The following LOXL1 variants were observed in gnomAD, a reference collection of about 807,000 sequenced individuals.
The protein encoded by LOXL1 is lysyl oxidase homolog 1.
In LOXL1, 31 loss-of-function variants were observed where a neutral mutation model predicts 62.2. The ratio of observed to expected loss-of-function variants is 0.50; its 90% CI spans 0.37 to 0.67. The LOEUF (loss-of-function observed/expected upper bound fraction) is 0.67. LOXL1 is among the 30% of genes least tolerant of loss of function. LOXL1 has a pLI of 0.00. For synonymous variants in LOXL1, 403 were observed against 384.4 expected (o/e 1.05, Z -0.56); for missense variants, 775 against 843.4 (o/e 0.92, Z 1.00).
At chr15:73,933,240 G>A (rs982860590) in intron 1 of LOXL1, among the ~76,000 whole-genome samples, 2 of 152,134 alleles carry the variant, frequency 1.3e-5, no homozygotes, top group Non-Finnish European at 2.9e-5. Flanking sequence ...ACTGAGGCTC[G>A]GAGAAATTAA....
chr15:73,930,000 G>A (rs2068624761), intron 1 of LOXL1, among the ~76,000 whole-genome samples: 1 of 152,188 alleles, frequency 6.6e-6, no homozygotes, highest in Non-Finnish European at 1.5e-5. Flanking sequence ...GTCTGAAGTG[G>A]GGGTGCTTGG....
At chr15:73,948,776 G>T (rs1490485375) in intron 5 of LOXL1, among the ~76,000 whole-genome samples, 2 of 152,126 alleles carry the variant, frequency 1.3e-5, no homozygotes, top group Non-Finnish European at 2.9e-5. Context: ...TCAACATGTA[G>T]GAAGTCCCCT....
In LOXL1 at chr15:73,927,565, C is replaced by G; in HGVS notation, c.782C>G (p.Pro261Arg). ...FYPAPERPYV[P>R]PPPPPPDGLD... is the part of the protein sequence containing the mutation. ...CCGGCCCCCGAGAGGCCCTACGTGCCGCCGCCGCCGCCGCCCCCCGACGGC... is the reference window on the plus strand; with the variant it reads ...CCGGCCCCCGAGAGGCCCTACGTGCGGCCGCCGCCGCCGCCCCCCGACGGC... The change falls in exon 1 of 7, where the codon CCG (proline) becomes CGG (arginine). Residue 261 changes from proline (P) to arginine (R), a missense_variant. By Grantham distance (103) the Pro-to-Arg change is moderately radical. Transcript: ENST00000261921. The G allele has an allele frequency of 1.3e-6, 2 of 1,484,000 alleles. No homozygotes were observed. The highest frequency in any genetic ancestry group is 1.3e-5 in the South Asian group (1 of 78,368). The allele number at this position is 1,484,000 out of a possible 1,614,324, so 91.9% of individuals were successfully genotyped here.
chr15:73,926,690 C>A lies in LOXL1; in HGVS notation c.-94C>A. The A allele has an allele frequency of 7.7e-7, 1 of 1,306,012 alleles. No homozygotes were observed. The highest frequency in any genetic ancestry group is 9.9e-7 in the Non-Finnish European group (1 of 1,010,138). 80.9% of individuals were successfully genotyped at this position (1,306,012 alleles called of 1,614,324 possible). A position where few individuals can be genotyped will look rare whatever the true frequency, so the allele number is the denominator to read the frequency against. Reference sequence around the variant, plus strand: ...AGCTAGAGCTGGGGCAAGCAAGGAGCCTTCCTGTCCTCGAGGCCGTGGGAA... The same window carrying A: ...AGCTAGAGCTGGGGCAAGCAAGGAGACTTCCTGTCCTCGAGGCCGTGGGAA... On this transcript the variant is annotated 5_prime_UTR_variant, in exon 1 of 7. Coordinates refer to ENST00000261921, the MANE Select transcript of LOXL1 (RefSeq NM_005576.4).
intron 1 of LOXL1, chr15:73,928,126 C>T: frequency 7.6e-6 from 3 of 394,876 alleles, no homozygotes; most frequent in Non-Finnish European, 1.3e-5. Context: ...CAGGTGTGGG[C>T]TCTGATCCTG....
rs1477032813 is a variant in LOXL1, at chr15:73,927,209, C to A, written c.426C>A (p.Ala142=). Reference sequence around the variant, plus strand: ...GGGACAGCACGGGCATGGCCCGGGCCCGCACCTCCGTCTCCCAGCAACGGC... The same window carrying A: ...GGGACAGCACGGGCATGGCCCGGGCACGCACCTCCGTCTCCCAGCAACGGC... ...AVGDSTGMAR[A]RTSVSQQRHG... is the part of the protein sequence containing the mutation. The change falls in exon 1 of 7, where the codon GCC becomes GCA. Residue 142 remains alanine, a synonymous_variant. Coordinates refer to ENST00000261921, the MANE Select transcript of LOXL1 (RefSeq NM_005576.4). 20 of 1,594,130 alleles carry A rather than the reference C, an allele frequency of 1.3e-5. No homozygotes were observed. Among genetic ancestry groups the A allele is most frequent in the Non-Finnish European group, 1.7e-5 (20 of 1,175,758 alleles).
At chr15:73,949,670 G>T (rs2068770870) in intron 6 of LOXL1, 96 bp downstream of exon 6, 7 of 831,444 alleles carry the variant, frequency 8.4e-6, no homozygotes, top group Non-Finnish European at 1.4e-5. Context: ...TGCACTTTAG[G>T]TCACCTTGAT....
Position 73,946,437 on chromosome 15 carries a change from C to T in LOXL1, c.1232C>T (p.Ala411Val), listed in dbSNP as rs1173534367. The T allele has an allele frequency of 6.2e-7, 1 of 1,612,750 alleles. No homozygotes were observed. Among genetic ancestry groups the T allele is most frequent in the Admixed American group, 1.7e-5 (1 of 59,990 alleles). ...TGCAGCACAGCCTATGCCCCTGAGG[C>T]CACCGACTACGATGTGCGGGTGCTA... The part of the protein sequence containing the change: ...CLASTAYAPE[A>V]TDYDVRVLLR... Residue 411 changes from alanine to valine, a missense_variant, in exon 3 of 7, where the codon GCC becomes GTC. Transcript: ENST00000261921.
chr15:73,935,918 C>T (rs999501317), intron 1 of LOXL1, among the ~76,000 whole-genome samples: 1 of 139,082 alleles, frequency 7.2e-6, no homozygotes, highest in Non-Finnish European at 1.6e-5. Flanking sequence ...CTGTGTGCCT[C>T]TGCATAGGTA....
At position 73,946,491 on chromosome 15, in the gene LOXL1, A is replaced by G. The variant is rs1230329915; in HGVS notation, c.1286A>G (p.Gln429Arg). 2.5e-6 allele frequency: 4 copies of G among 1,611,890 alleles called. No individual in the cohort carries two copies. Among genetic ancestry groups the G allele is most frequent in the Admixed American group, 3.3e-5 (2 of 59,898 alleles). Residue 429 changes from glutamine (Q) to arginine (R), a missense_variant, in exon 3 of 7, where the codon CAG (glutamine) becomes CGG (arginine). Coordinates refer to ENST00000261921, the MANE Select transcript of LOXL1 (RefSeq NM_005576.4). ...CGCTTCCCCCAGCGCGTGAAGAACC[A>G]GGGCACAGCAGACTTCCTCCCCAAC... ...LLRFPQRVKN[Q>R]GTADFLPNRP... is the part of the protein sequence containing the mutation.
In LOXL1 at chr15:73,947,872, C is replaced by T; in HGVS notation, c.1572C>T (p.Thr524=). ...TCGACTGCCAGTGGATCGACATAAC[C>T]GACGTGCAGCCTGGGAACTACATCC... ...ADIDCQWIDI[T]DVQPGNYILK... The change falls in exon 5 of 7, where the codon ACC becomes ACT. Residue 524 remains threonine (T), a synonymous_variant. Transcript: ENST00000261921. 4 of 1,613,780 alleles carry T rather than the reference C, an allele frequency of 2.5e-6. No individual in the cohort carries two copies. Among genetic ancestry groups the T allele is most frequent in the Non-Finnish European group, 3.4e-6 (4 of 1,179,784 alleles).
In LOXL1 at chr15:73,942,965, A is replaced by G; in HGVS notation, c.1211+3A>G. ...GCGGAGGAGAAGTGTCTGGCCAGGT[A>G]AGGAGCTGAGGCAGAAGTGTAGAGT... On this transcript the variant is annotated splice_donor_region_variant and intron_variant, in intron 2 of 6. Transcript: ENST00000261921. 6.2e-7 allele frequency: 1 copy of G among 1,609,340 alleles called. No homozygotes were observed.
intron 1 of LOXL1, among the ~76,000 whole-genome samples, chr15:73,931,559 G>A (rs570916481): frequency 1.3e-5 from 2 of 152,060 alleles, no homozygotes; most frequent in African/African-American, 4.8e-5. Flanking sequence ...CATGCTGCTC[G>A]TGGGCCTAGA....
At position 73,952,055 on chromosome 15, in the gene LOXL1, G is replaced by A. The variant is rs2068791952; in HGVS notation, c.*218G>A. ...TTCTCTACAGTGTTGTTTTGTTGTT[G>A]TTGGTTTTTATTTTTTATACTTTGG... On this transcript the variant is annotated 3_prime_UTR_variant, in exon 7 of 7. Coordinates refer to ENST00000261921, the MANE Select transcript of LOXL1 (RefSeq NM_005576.4). 4.9e-6 allele frequency: 2 copies of A among 404,550 alleles called. No homozygotes were observed. Among genetic ancestry groups the A allele is most frequent in the Non-Finnish European group, 8.7e-6 (2 of 230,062 alleles). 25.1% of individuals were successfully genotyped at this position (404,550 alleles called of 1,614,324 possible).
chr15:73,951,687 G>A, intron 6 of LOXL1, 144 bp from the exon 7 acceptor site: 1 of 624,130 alleles, frequency 1.6e-6, no homozygotes, highest in Non-Finnish European at 2.5e-6. Context: ...GGCTGAGGGG[G>A]TCGGAACTTT....
intron 1 of LOXL1, among the ~76,000 whole-genome samples, chr15:73,940,632 G>C (rs1184097226): frequency 1.3e-5 from 2 of 151,950 alleles, no homozygotes; most frequent in Non-Finnish European, 2.9e-5. Flanking sequence ...CTTGGTGTGT[G>C]ATCAGGGTCA....
intron 2 of LOXL1, among the ~76,000 whole-genome samples, chr15:73,944,197 G>A (rs933598366): frequency 6.6e-6 from 1 of 152,148 alleles, no homozygotes; most frequent in African/African-American, 2.4e-5. Context: ...GAGCATAATG[G>A]TCCTGCTGGA....
chr15:73,933,967 C>A (rs557060857), intron 1 of LOXL1, among the ~76,000 whole-genome samples: 140 of 152,330 alleles, frequency 9.2e-4, no homozygotes, highest in African/African-American at 3.2e-3. Flanking sequence ...GGGTCTGGGT[C>A]CCTCTCCCTC....
rs1320093970 is a variant in LOXL1 at position 73,944,754 on chromosome 15, G to A, written c.1212-1663G>A. ...CTTATGGTTTCCCACGGTGTGCTGA[G>A]CCGAACAGAAGGGCAGGATTTAACT... On this transcript the variant is annotated intron_variant, in intron 2 of 6. Transcript: ENST00000261921. 2.0e-5 allele frequency among the ~76,000 whole-genome samples: 3 copies of A among 152,316 alleles called. No homozygotes were observed. In the East Asian group the frequency reaches 5.8e-4, roughly 29 times the overall value.
Sources: allele counts gnomAD v4.1 joint callset (sites outside exome capture counted in the v4.1 genomes callset), GRCh38; gene constraint gnomAD v4.1.1; transcripts MANE v1.5; gene names NCBI Gene and HGNC (gene_info 2026-07-23, HGNC 2026-07-21).